CAMK4: variants seen among roughly 807,000 people sequenced by gnomAD.
CAMK4 encodes the protein calcium/calmodulin-dependent protein kinase type IV.
CAMK4 carries 22 observed loss-of-function variants against 44.9 expected under a neutral mutation model. The observed-to-expected ratio is 0.49, with a 90% CI of 0.35 to 0.70. The LOEUF is 0.70. CAMK4 is among the 30% of genes least tolerant of loss of function. The probability of loss-of-function intolerance (pLI) is 0.01; values close to 1 mark genes in which losing one functional copy is unlikely to be tolerated. For missense variants in CAMK4, 498 were observed against 586.8 expected, an observed-to-expected ratio of 0.85 and a Z score of 1.56; for synonymous variants, 218 against 215.4, an observed-to-expected ratio of 1.01 and a Z score of -0.11.
chr5:111,439,573 GAGTTT>G (rs1316932460), intron 5 of CAMK4, among the ~76,000 whole-genome samples: 1 of 152,188 alleles, frequency 6.6e-6, no homozygotes, highest in Non-Finnish European at 1.5e-5. Context: ...GGTAAACTAT[GAGTTT>G]AGTTTTAGAA....
intron 5 of CAMK4, among the ~76,000 whole-genome samples, chr5:111,417,192 C>T (rs917618601): frequency 1.3e-5 from 2 of 151,314 alleles, no homozygotes; most frequent in Non-Finnish European, 2.9e-5. Context: ...TCCTGAGTGG[C>T]TGAGACTATA....
intron 5 of CAMK4, among the ~76,000 whole-genome samples, chr5:111,406,007 A>ATCTCATT (rs1752410695): frequency 6.6e-6 from 1 of 152,122 alleles, no homozygotes; most frequent in Non-Finnish European, 1.5e-5. Flanking sequence ...CAGGACTTAG[A>ATCTCATT]GGATCAATGA....
At chr5:111,395,228 GA>G (rs758613011) in intron 5 of CAMK4, among the ~76,000 whole-genome samples, 6 of 114,898 alleles carry the variant, frequency 5.2e-5, no homozygotes, top group Admixed American at 1.0e-4. Context: ...AAAAAAAAAA[GA>G]AAAAAAAAAA....
upstream of CAMK4, chr5:111,224,269 C>T (rs1323132510): frequency 1.0e-5 from 5 of 500,748 alleles, no homozygotes; most frequent in South Asian, 9.1e-5. This position sits in a 1 kb window ranked among gnomAD's most constrained non-coding sequence, Gnocchi z 5.7. Context: ...CAGCGGGCGG[C>T]GACTCCGGGT....
At chr5:111,417,400 G>C (rs1324561544) in intron 5 of CAMK4, among the ~76,000 whole-genome samples, 1 of 152,004 alleles carries the variant, frequency 6.6e-6, no homozygotes, top group Non-Finnish European at 1.5e-5. Flanking sequence ...ATTTTTAGTA[G>C]AGATGGGGTT....
chr5:111,339,008 A>G (rs1333346942), intron 1 of CAMK4, among the ~76,000 whole-genome samples: 2 of 151,272 alleles, frequency 1.3e-5, no homozygotes, highest in African/African-American at 4.8e-5. Flanking sequence ...TAGTAGTTTG[A>G]TAGGAATAGT....
chr5:111,405,114 T>A (rs552395945), intron 5 of CAMK4, among the ~76,000 whole-genome samples: 2 of 152,328 alleles, frequency 1.3e-5, no homozygotes, highest in Admixed American at 1.3e-4. Context: ...ATTTGATGTA[T>A]CTAGAGAGAA....
At chr5:111,226,666 A>G (rs891095288) in intron 1 of CAMK4, among the ~76,000 whole-genome samples, 1 of 152,242 alleles carries the variant, frequency 6.6e-6, no homozygotes, top group Admixed American at 6.5e-5. Flanking sequence ...ATGGTGAGAT[A>G]TGAAACACAA....
chr5:111,347,840 A>T (rs1049146747), intron 2 of CAMK4, among the ~76,000 whole-genome samples: 1 of 152,016 alleles, frequency 6.6e-6, no homozygotes, highest in Non-Finnish European at 1.5e-5. Context: ...TTTGAGGGAG[A>T]TTTAATTCTA....
chr5:111,249,325 A>G (rs1181542110), intron 1 of CAMK4, among the ~76,000 whole-genome samples: 3 of 152,098 alleles, frequency 2.0e-5, no homozygotes, highest in African/African-American at 4.8e-5. Context: ...ACTTGAGACA[A>G]TGGCCTGAAA....
intron 1 of CAMK4, among the ~76,000 whole-genome samples, chr5:111,338,417 TA>T (rs1398554725): frequency 6.6e-6 from 1 of 151,266 alleles, no homozygotes; most frequent in Non-Finnish European, 1.5e-5. Flanking sequence ...GGTTGTCTGT[TA>T]ACTCTGTTGA....
intron 5 of CAMK4, among the ~76,000 whole-genome samples, chr5:111,421,918 G>A (rs138598799): frequency 2.1e-4 from 32 of 152,166 alleles, no homozygotes; most frequent in African/African-American, 6.0e-4. Context: ...TATAAAGGAC[G>A]GTTCGCTTGC....
chr5:111,336,239 T>C (rs1749397258), intron 1 of CAMK4, among the ~76,000 whole-genome samples: 1 of 151,300 alleles, frequency 6.6e-6, no homozygotes, highest in Admixed American at 6.6e-5. Context: ...TCCTCTAATG[T>C]ATAATCTCCT....
chr5:111,477,820 G>C (rs550743598), intron 8 of CAMK4, among the ~76,000 whole-genome samples: 1 of 152,240 alleles, frequency 6.6e-6, no homozygotes, highest in South Asian at 2.1e-4. Context: ...ATCCAAACTG[G>C]AATGGAATGG....
At chr5:111,358,035 G>A (rs1580646212) in intron 2 of CAMK4, 1 of 152,110 alleles carries the variant, frequency 6.6e-6, no homozygotes, top group East Asian at 1.9e-4. Flanking sequence ...GTCCAGATTT[G>A]GGACTAAAAC....
rs978953495 is a variant in CAMK4, at chr5:111,490,552, C to G, written c.*6086C>G. 5.3e-5 allele frequency: 8 copies of G among 152,134 alleles called. No homozygotes were observed. Among genetic ancestry groups the G allele is most frequent in the Non-Finnish European group, 7.3e-5 (5 of 68,072 alleles). The allele number at this position is 152,134 out of a possible 1,614,324, so 9.4% of individuals were successfully genotyped here. A position where few individuals can be genotyped will look rare whatever the true frequency, so the allele number is the denominator to read the frequency against. On this transcript the variant is annotated 3_prime_UTR_variant, in exon 11 of 11. Transcript: ENST00000282356. ...GGCAGAGGTTGCAGTGAGCCAAGAT[C>G]ATGCCACTGCACTCCAGCCTGGACA...
At chr5:111,457,417 T>G (rs964597740) in intron 7 of CAMK4, among the ~76,000 whole-genome samples, 1 of 152,234 alleles carries the variant, frequency 6.6e-6, no homozygotes, top group Non-Finnish European at 1.5e-5. Flanking sequence ...AAAATGCTAT[T>G]AACAGAACAG....
chr5:111,428,979 G>A (rs191581758), intron 5 of CAMK4, among the ~76,000 whole-genome samples: 36 of 152,172 alleles, frequency 2.4e-4, no homozygotes, highest in Admixed American at 4.6e-4. Context: ...AAACCTATGC[G>A]ATACAGCAAA....
At chr5:111,247,969 G>A (rs1749313461) in intron 1 of CAMK4, among the ~76,000 whole-genome samples, 1 of 152,102 alleles carries the variant, frequency 6.6e-6, no homozygotes, top group Non-Finnish European at 1.5e-5. Flanking sequence ...ATGTGCTCAG[G>A]GGCATTGTGG....
Sources: allele counts gnomAD v4.1 joint callset (sites outside exome capture counted in the v4.1 genomes callset), GRCh38; gene constraint gnomAD v4.1.1; non-coding constraint Gnocchi (gnomAD v3.1); transcripts MANE v1.5; gene names NCBI Gene and HGNC (gene_info 2026-07-23, HGNC 2026-07-21).